The following METTL8 variants were observed in gnomAD, a reference collection of about 807,000 sequenced individuals.
METTL8 encodes tRNA N(3)-cytidine methyltransferase METTL8, mitochondrial.
METTL8 carries 32 observed loss-of-function variants against 48.7 expected under a neutral mutation model. The observed-to-expected ratio is 0.66, with a 90% CI of 0.50 to 0.88. The LOEUF (loss-of-function observed/expected upper bound fraction) is 0.88. Among genes scored for constraint, METTL8 ranks in the 40% least tolerant of loss-of-function variants. The pLI, the probability that METTL8 is intolerant of heterozygous loss-of-function variation, is 0.00. For synonymous variants in METTL8, 136 were observed against 157.1 expected (o/e 0.87, Z 1.01); for missense variants, 464 against 474.4 (o/e 0.98, Z 0.20).
chr2:171,403,730 C>T (rs1689865879), intron 1 of METTL8, among the ~76,000 whole-genome samples: 1 of 151,662 alleles, frequency 6.6e-6, no homozygotes, highest in Non-Finnish European at 1.5e-5. Context: ...TAAAAGTGTT[C>T]TAAAATTAAA....
At chr2:171,398,093 C>G (rs1689286339) in intron 1 of METTL8, among the ~76,000 whole-genome samples, 1 of 152,040 alleles carries the variant, frequency 6.6e-6, no homozygotes, top group Non-Finnish European at 1.5e-5. Flanking sequence ...GGTGAATCCT[C>G]AGAAATTAAA....
rs770977708 is a variant in METTL8 at position 171,325,923 on chromosome 2, A to G, written c.968-17T>C. ...AACAATGTCCTGAAAAAAATTGTGA[A>G]AAGAGAAACTCTTAAGGGTATTCCT... On this transcript the variant is annotated splice_polypyrimidine_tract_variant and intron_variant, in intron 8 of 9. Transcript: ENST00000375258. The G allele has an allele frequency of 1.3e-6, 2 of 1,553,288 alleles. No homozygotes were observed. Among genetic ancestry groups the G allele is most frequent in the Non-Finnish European group, 1.8e-6 (2 of 1,130,568 alleles).
intron 2 of METTL8, among the ~76,000 whole-genome samples, chr2:171,373,584 G>T (rs76196605): frequency 0.29 from 44,244 of 152,054 alleles, 7,455 homozygotes; most frequent in East Asian, 0.64. Flanking sequence ...GTATTGCCTA[G>T]GTATTCTTCT....
At chr2:171,409,708 C>T (rs771941338) in intron 1 of METTL8, among the ~76,000 whole-genome samples, 17 of 152,068 alleles carry the variant, frequency 1.1e-4, no homozygotes, top group Non-Finnish European at 2.1e-4. Flanking sequence ...GTCAGGGACG[C>T]GGCAGGGCAG....
At chr2:171,425,597 C>T (rs1692325245) in intron 1 of METTL8, among the ~76,000 whole-genome samples, 1 of 152,146 alleles carries the variant, frequency 6.6e-6, no homozygotes, top group African/African-American at 2.4e-5. Flanking sequence ...GTGTCAATAT[C>T]CAGTGAGGGT....
At chr2:171,349,395 A>G (rs371580866) in intron 3 of METTL8, among the ~76,000 whole-genome samples, 60 of 152,278 alleles carry the variant, frequency 3.9e-4, no homozygotes, top group African/African-American at 1.3e-3. Flanking sequence ...AGATGTCTCA[A>G]ATAAGTGGAA....
At chr2:171,400,580 A>C (rs1215617187) in intron 1 of METTL8, among the ~76,000 whole-genome samples, 1 of 152,156 alleles carries the variant, frequency 6.6e-6, no homozygotes, top group Non-Finnish European at 1.5e-5. Context: ...TCATATTACT[A>C]TATGTGCTGA....
At chr2:171,414,605 G>A (rs1691104785) in intron 1 of METTL8, 1 of 151,802 alleles carries the variant, frequency 6.6e-6, no homozygotes, top group Non-Finnish European at 1.5e-5. Flanking sequence ...GTGTGTACCT[G>A]TGGTCCCAGC....
Position 171,319,546 on chromosome 2 carries a change from C to T in METTL8, c.*4626G>A, listed in dbSNP as rs183413834. On this transcript the variant is annotated 3_prime_UTR_variant, in exon 10 of 10. Coordinates refer to ENST00000375258, the MANE Select transcript of METTL8 (RefSeq NM_001321154.2). ...CTGCATATGGGTGAATTTTCACGTA[C>T]AAGCTAGAGTACAGCAACGACTTAG... 6.6e-6 allele frequency: 1 copy of T among 152,306 alleles called. No individual in the cohort carries two copies. The highest frequency in any genetic ancestry group is 6.5e-5 in the Admixed American group (1 of 15,298). 9.4% of individuals were successfully genotyped at this position (152,306 alleles called of 1,614,324 possible).
upstream of METTL8, chr2:171,434,292 G>A: frequency 1.7e-6 from 1 of 588,578 alleles, no homozygotes; most frequent in Non-Finnish European, 3.2e-6. Context: ...GCTCCGGCCG[G>A]CCGCGCGGTA....
At chr2:171,434,560 G>A (rs1351520441), upstream of METTL8, 1 of 1,525,436 alleles carries the variant, frequency 6.6e-7, no homozygotes, top group Non-Finnish European at 8.8e-7. Flanking sequence ...GCCTACCCAG[G>A]GCCCGGCCCG....
intron 3 of METTL8, among the ~76,000 whole-genome samples, chr2:171,356,539 T>C (rs917812910): frequency 2.0e-5 from 3 of 152,192 alleles, no homozygotes; most frequent in African/African-American, 7.2e-5. Flanking sequence ...TGTATATTTG[T>C]ACCCATTAAT....
chr2:171,431,168 G>GT (rs1692974112), intron 1 of METTL8, among the ~76,000 whole-genome samples: 1 of 152,198 alleles, frequency 6.6e-6, no homozygotes, highest in Admixed American at 6.5e-5. Flanking sequence ...TACACCAGAT[G>GT]TTTTGTGCAC....
rs10469638 is a variant in METTL8 at position 171,415,597 on chromosome 2, G to A, written c.-13+18286C>T. On this transcript the variant is annotated intron_variant, in intron 1 of 9. Coordinates refer to ENST00000375258, the MANE Select transcript of METTL8 (RefSeq NM_001321154.2). ...GAACTCCTGACCTTGTGATCCACCC[G>A]CCTTGGCCTCCCAAAGTGCTGGGAT... 7.2e-3 allele frequency among the ~76,000 whole-genome samples: 1,101 copies of A among 151,986 alleles called. 15 individuals carry two copies. The highest frequency in any genetic ancestry group is 0.025 in the African/African-American group (1,042 of 41,466).
intron 1 of METTL8, among the ~76,000 whole-genome samples, chr2:171,399,136 A>T (rs1473744866): frequency 1.3e-5 from 2 of 152,196 alleles, no homozygotes; most frequent in Non-Finnish European, 2.9e-5. Flanking sequence ...AAGAAGGCCA[A>T]AATGAAACAG....
At chr2:171,376,966 C>T (rs924832032) in intron 2 of METTL8, among the ~76,000 whole-genome samples, 1 of 152,048 alleles carries the variant, frequency 6.6e-6, no homozygotes, top group Non-Finnish European at 1.5e-5. Flanking sequence ...CTTTAGTTAC[C>T]AAAACAGCAT....
chr2:171,430,003 G>A (rs1407138543), intron 1 of METTL8, among the ~76,000 whole-genome samples: 1 of 151,390 alleles, frequency 6.6e-6, no homozygotes, highest in Non-Finnish European at 1.5e-5. Flanking sequence ...TCACACCATT[G>A]CACTCCAGCC....
At chr2:171,384,052 TG>T (rs1394465016) in intron 2 of METTL8, among the ~76,000 whole-genome samples, 9 of 152,208 alleles carry the variant, frequency 5.9e-5, no homozygotes, top group Admixed American at 4.6e-4. Flanking sequence ...TATCAGTAGA[TG>T]AATGAATAAA....
intron 5 of METTL8, among the ~76,000 whole-genome samples, chr2:171,336,220 C>A (rs113143830): frequency 0.017 from 2,521 of 151,966 alleles, 68 homozygotes; most frequent in African/African-American, 0.056. Flanking sequence ...CTCGGCCTCC[C>A]GAGTAGCTGG....
Sources: allele counts gnomAD v4.1 joint callset (sites outside exome capture counted in the v4.1 genomes callset), GRCh38; gene constraint gnomAD v4.1.1; transcripts MANE v1.5; gene names NCBI Gene and HGNC (gene_info 2026-07-23, HGNC 2026-07-21).